PRR16: variants seen among roughly 807,000 people sequenced by gnomAD.
The protein encoded by PRR16 is protein Largen.
In PRR16, 6 loss-of-function variants were observed where a neutral mutation model predicts 18.2. That is an observed-to-expected ratio of 0.33 (90% CI 0.18 to 0.65). PRR16 has a LOEUF of 0.65. PRR16 is among the 30% of genes least tolerant of loss of function. The probability of loss-of-function intolerance (pLI) is 0.74; values close to 1 mark genes in which losing one functional copy is unlikely to be tolerated. For missense variants in PRR16, 412 were observed against 376.6 expected, an observed-to-expected ratio of 1.09 and a Z score of -0.78; for synonymous variants, 151 against 147.8, an observed-to-expected ratio of 1.02 and a Z score of -0.16.
rs557661634 is a variant in PRR16, at chr5:120,602,374, A to G, written c.160-83580A>G. Among the ~76,000 whole-genome samples, 7 of 151,952 alleles carry G rather than the reference A, an allele frequency of 4.6e-5. No individual in the cohort carries two copies. In the South Asian group the frequency reaches 1.0e-3, roughly 23 times the overall value. ...TTTGGCTCTCAGCTTGAATGTTATTAGTGTGTAGAAATACTACTGATTTTT... is the reference window on the plus strand; with the variant it reads ...TTTGGCTCTCAGCTTGAATGTTATTGGTGTGTAGAAATACTACTGATTTTT... On this transcript the variant is annotated intron_variant, in intron 1 of 1. Transcript: ENST00000407149.
chr5:120,604,120 T>C (rs1754074004), intron 1 of PRR16, among the ~76,000 whole-genome samples: 1 of 151,960 alleles, frequency 6.6e-6, no homozygotes, highest in African/African-American at 2.4e-5. Flanking sequence ...TTTAATTTTT[T>C]GCTTCCATGA....
At chr5:120,532,632 A>G (rs1307078100) in intron 1 of PRR16, among the ~76,000 whole-genome samples, 1 of 152,116 alleles carries the variant, frequency 6.6e-6, no homozygotes, top group Non-Finnish European at 1.5e-5. Context: ...ATAATGTACA[A>G]TATTGCACTG....
the PRR16 span, among the ~76,000 whole-genome samples, chr5:120,760,335 A>G: frequency 6.6e-6 from 1 of 152,108 alleles, no homozygotes; most frequent in Non-Finnish European, 1.5e-5. Flanking sequence ...ATATATATGA[A>G]AATAGAATTA....
At chr5:120,465,620 C>G (rs1033070292) in intron 1 of PRR16, 1 of 152,882 alleles carries the variant, frequency 6.5e-6, no homozygotes, top group African/African-American at 2.4e-5. Context: ...TGGGGTCTCC[C>G]GAGCCAGGCT....
At chr5:120,761,413 A>G in the PRR16 span, among the ~76,000 whole-genome samples, 4 of 152,196 alleles carry the variant, frequency 2.6e-5, no homozygotes, top group African/African-American at 7.2e-5. Flanking sequence ...CTACCCCTAG[A>G]CTATATCTCA....
chr5:120,545,639 T>G (rs7711004), intron 1 of PRR16, among the ~76,000 whole-genome samples: 32,331 of 152,048 alleles, frequency 0.21, 3,572 homozygotes, highest in African/African-American at 0.22. Context: ...ATTTTATAGA[T>G]ATCTGTGGAG....
intron 1 of PRR16, among the ~76,000 whole-genome samples, chr5:120,651,513 T>C (rs1208523088): frequency 1.3e-5 from 2 of 152,220 alleles, no homozygotes; most frequent in Non-Finnish European, 2.9e-5. Flanking sequence ...ATATAAGGTG[T>C]AAGGAAGGGA....
the PRR16 span, among the ~76,000 whole-genome samples, chr5:120,771,160 C>A: frequency 6.6e-6 from 1 of 151,956 alleles, no homozygotes; most frequent in Non-Finnish European, 1.5e-5. Flanking sequence ...GAAATCCTTT[C>A]TGATAATACA....
chr5:120,507,879 G>T (rs1421228724), intron 1 of PRR16, among the ~76,000 whole-genome samples: 1 of 152,058 alleles, frequency 6.6e-6, no homozygotes. Context: ...TATTGGGTTA[G>T]ATGACAGCTG....
intron 1 of PRR16, among the ~76,000 whole-genome samples, chr5:120,501,997 G>T (rs1750475508): frequency 2.1e-5 from 3 of 141,234 alleles, no homozygotes; most frequent in East Asian, 2.1e-4. Context: ...GAAATAGCTA[G>T]TATAAAAAAT....
chr5:120,791,479 G>A, the PRR16 span, among the ~76,000 whole-genome samples: 1 of 151,286 alleles, frequency 6.6e-6, no homozygotes. Flanking sequence ...TCTAAGTTTT[G>A]TTTCTGGAAT....
chr5:120,761,208 C>G, the PRR16 span, among the ~76,000 whole-genome samples: 1 of 151,990 alleles, frequency 6.6e-6, no homozygotes, highest in South Asian at 2.1e-4. Context: ...GCATGGTTCC[C>G]TCCATATCTT....
chr5:120,643,153 A>C lies in PRR16; in HGVS notation c.160-42801A>C, dbSNP rs542830694. ...TCAAATGTAAGCTTATTGATAATAA[A>C]ATGTTTGAAACAAAGAAGAGACATA... On this transcript the variant is annotated intron_variant, in intron 1 of 1. Transcript: ENST00000407149. 2.6e-5 allele frequency among the ~76,000 whole-genome samples: 4 copies of C among 151,954 alleles called. No individual in the cohort carries two copies. The East Asian group carries it at 7.7e-4, about 29-fold the overall frequency.
intron 1 of PRR16, among the ~76,000 whole-genome samples, chr5:120,493,934 G>T (rs896248055): frequency 6.6e-6 from 1 of 151,962 alleles, no homozygotes; most frequent in East Asian, 1.9e-4. Flanking sequence ...AACATTCACC[G>T]GCTGAAGGAC....
At chr5:120,568,499 A>G (rs1028631419) in intron 1 of PRR16, among the ~76,000 whole-genome samples, 4 of 152,332 alleles carry the variant, frequency 2.6e-5, no homozygotes, top group South Asian at 2.1e-4. Context: ...TTAATGTTCT[A>G]TATAAAAGCA....
the PRR16 span, among the ~76,000 whole-genome samples, chr5:120,732,706 C>T: frequency 6.6e-6 from 1 of 152,130 alleles, no homozygotes. Context: ...ACCTGTGTAA[C>T]CTTACCCCAT....
At chr5:120,512,753 C>A (rs1198298288) in intron 1 of PRR16, among the ~76,000 whole-genome samples, 1 of 151,914 alleles carries the variant, frequency 6.6e-6, no homozygotes, top group Non-Finnish European at 1.5e-5. Context: ...TTTGTCTTCA[C>A]CACGCAAAAA....
the PRR16 span, among the ~76,000 whole-genome samples, chr5:120,769,226 C>T: frequency 6.6e-6 from 1 of 151,798 alleles, no homozygotes; most frequent in East Asian, 1.9e-4. Context: ...ACAAAAACTG[C>T]ATATATTTAA....
chr5:120,785,706 G>A, the PRR16 span, among the ~76,000 whole-genome samples: 2 of 151,192 alleles, frequency 1.3e-5, no homozygotes, highest in South Asian at 4.2e-4. Context: ...CTCAGTAGCT[G>A]GGACTACAGG....
Sources: gnomAD v4.1 joint callset for allele counts (sites outside exome capture counted in the v4.1 genomes callset) on GRCh38, gnomAD v4.1.1 for gene constraint, MANE v1.5 for transcripts, NCBI Gene and HGNC (gene_info 2026-07-23, HGNC 2026-07-21) for gene names.